Variants in ASXL3 observed in about 807,000 individuals in gnomAD.
ASXL3 encodes ASXL transcriptional regulator 3.
In ASXL3, 34 loss-of-function variants were observed where a neutral mutation model predicts 170.6. The ratio of observed to expected loss-of-function variants is 0.20; its 90% CI spans 0.15 to 0.27. The LOEUF is 0.27. ASXL3 is among the 10% of genes least tolerant of loss of function. The pLI is 1.00. For missense variants in ASXL3, 2,592 were observed against 2,695.3 expected (o/e 0.96, Z 0.85); for synonymous variants, 1,002 against 989.1 (o/e 1.01, Z -0.24).
Position 33,743,725 on chromosome 18 carries a change from A to C in ASXL3, c.3877A>C (p.Ile1293Leu). 1.9e-6 allele frequency: 3 copies of C among 1,613,930 alleles called. No individual in the cohort carries two copies. The highest frequency in any genetic ancestry group is 2.5e-6 in the Non-Finnish European group (3 of 1,179,902). Residue 1293 changes from isoleucine (I) to leucine (L), a missense_variant, in exon 12 of 12, where the codon ATA (isoleucine) becomes CTA (leucine). Around this residue, in one of 4 missense-constraint regions of ASXL3, gnomAD observed 2,246 missense variants for 2,219.6 expected, o/e 1.01. Transcript: ENST00000269197. ...KTIQGTDTPC[I>L]AIIPKCIEST... ...CATCCAGGGAACTGACACTCCATGC[A>C]TAGCCATTATACCAAAATGTATTGA...
intron 8 of ASXL3, among the ~76,000 whole-genome samples, chr18:33,700,265 C>G (rs73955180): frequency 6.6e-6 from 1 of 151,926 alleles, no homozygotes; most frequent in Non-Finnish European, 1.5e-5. Context: ...CTTACTGTAA[C>G]GATCCCTGAA....
chr18:33,738,453 G>C (rs764631128), intron 10 of ASXL3, 34 bp from the exon 11 acceptor site: 1 of 1,549,134 alleles, frequency 6.5e-7, no homozygotes, highest in Non-Finnish European at 8.7e-7. Flanking sequence ...ATGTTTTGTG[G>C]TTGAGCAATA....
intron 1 of ASXL3, among the ~76,000 whole-genome samples, chr18:33,582,592 A>G (rs1284902246): frequency 6.6e-6 from 1 of 152,112 alleles, no homozygotes; most frequent in Non-Finnish European, 1.5e-5. Context: ...ACACCTGAAA[A>G]TAAATCTTAA....
chr18:33,641,792 A>G (rs972042403), intron 2 of ASXL3: 1 of 152,494 alleles, frequency 6.6e-6, no homozygotes, highest in Non-Finnish European at 1.5e-5. Flanking sequence ...AAATCGGGAT[A>G]TCGTGGTTTT....
chr18:33,657,471 G>A (rs1302771453), intron 4 of ASXL3, among the ~76,000 whole-genome samples: 1 of 152,020 alleles, frequency 6.6e-6, no homozygotes, highest in Non-Finnish European at 1.5e-5. Flanking sequence ...ACCTGTCAGT[G>A]GATTAGTAAT....
At chr18:33,706,760 T>A (rs182988954) in intron 8 of ASXL3, among the ~76,000 whole-genome samples, 1 of 151,940 alleles carries the variant, frequency 6.6e-6, no homozygotes, top group East Asian at 1.9e-4. Context: ...TGGTATCTTC[T>A]TATGTTGTGG....
intron 2 of ASXL3, among the ~76,000 whole-genome samples, chr18:33,622,353 G>A (rs16964808): frequency 0.082 from 12,424 of 152,096 alleles, 580 homozygotes; most frequent in African/African-American, 0.11. Flanking sequence ...GCATTTGATA[G>A]CCTGTTACAA....
intron 8 of ASXL3, among the ~76,000 whole-genome samples, chr18:33,708,744 G>A (rs1329901477): frequency 3.3e-5 from 5 of 152,130 alleles, no homozygotes; most frequent in African/African-American, 9.7e-5. Context: ...AATTCCCCAA[G>A]GCTAAGAGAT....
At chr18:33,708,259 T>G (rs2066997142) in intron 8 of ASXL3, among the ~76,000 whole-genome samples, 1 of 152,198 alleles carries the variant, frequency 6.6e-6, no homozygotes, top group Non-Finnish European at 1.5e-5. Context: ...GGGAAAACTT[T>G]TAATTACCGA....
chr18:33,738,501 G>A lies in ASXL3; in HGVS notation c.1097G>A (p.Arg366Lys), dbSNP rs751931994. The change falls in exon 11 of 12, where the codon AGA (arginine) becomes AAA (lysine). Residue 366 changes from arginine to lysine, a missense_variant. Transcript: ENST00000269197. ...TTTCTGTACAGGCTGGGCATGTCAA[G>A]AGAGGAATCTGTGAAGCTCACTACT... ...RFYGEKLGMS[R>K]EESVKLTTGP... 2 of 1,609,340 alleles carry A rather than the reference G, an allele frequency of 1.2e-6. No homozygotes were observed. Among genetic ancestry groups the A allele is most frequent in the Non-Finnish European group, 1.7e-6 (2 of 1,177,094 alleles).
At chr18:33,741,285 TAAC>T (rs879874000) in intron 11 of ASXL3, among the ~76,000 whole-genome samples, 8 of 152,176 alleles carry the variant, frequency 5.3e-5, no homozygotes, top group Non-Finnish European at 1.0e-4. Flanking sequence ...GATAGATAGA[TAAC>T]AACATGAGGG....
At chr18:33,703,518 C>T (rs535946436) in intron 8 of ASXL3, among the ~76,000 whole-genome samples, 2 of 152,276 alleles carry the variant, frequency 1.3e-5, no homozygotes, top group Admixed American at 1.3e-4. Flanking sequence ...AGCCCTTGAC[C>T]TCTTGGTTGT....
intron 1 of ASXL3, among the ~76,000 whole-genome samples, chr18:33,588,184 C>T (rs1002074079): frequency 2.0e-5 from 3 of 152,092 alleles, no homozygotes; most frequent in Non-Finnish European, 2.9e-5. Flanking sequence ...TTTCCCTTAA[C>T]ATCTAGCAGA....
intron 2 of ASXL3, among the ~76,000 whole-genome samples, chr18:33,636,305 T>TCAA (rs367963281): frequency 0.038 from 4,155 of 110,704 alleles, 70 homozygotes; most frequent in Middle Eastern, 0.071. Flanking sequence ...AACCACTGAT[T>TCAA]CAACAACAAC....
chr18:33,649,831 T>A, intron 4 of ASXL3, among the ~76,000 whole-genome samples: 1 of 152,050 alleles, frequency 6.6e-6, no homozygotes, highest in Non-Finnish European at 1.5e-5. Flanking sequence ...GAAGTGTAAG[T>A]GATATGAGAG....
At position 33,609,047 on chromosome 18, in the gene ASXL3, C is replaced by A. The variant is rs932628941; in HGVS notation, c.137+1371C>A. ...CGCTGTGTTTGTGCTAGTTGTTCCC[C>A]CAGAAAGTGGAGGCAGCAGTGGATA... is the stretch of plus-strand genomic sequence containing the variant. On this transcript the variant is annotated intron_variant, in intron 2 of 11. Coordinates refer to ENST00000269197, the MANE Select transcript of ASXL3 (RefSeq NM_030632.3). 19 of 984,864 alleles carry A rather than the reference C, an allele frequency of 1.9e-5. No homozygotes were observed. The Admixed American group carries it at 2.5e-4, about 13-fold the overall frequency. The allele number at this position is 984,864 out of a possible 1,614,324, so 61.0% of individuals were successfully genotyped here.
intron 6 of ASXL3, 115 bp from the exon 7 acceptor site, chr18:33,671,632 A>G (rs2066343412): frequency 1.2e-6 from 1 of 839,228 alleles, no homozygotes; most frequent in Non-Finnish European, 1.8e-6. Flanking sequence ...GGCCAAAGGT[A>G]GTGTATTAAC....
rs754846764 is a variant in ASXL3, at chr18:33,745,954, C to A, written c.6106C>A (p.Pro2036Thr). 6.6e-7 allele frequency: 1 copy of A among 1,513,150 alleles called. No individual in the cohort carries two copies. Among genetic ancestry groups the A allele is most frequent in the Non-Finnish European group, 8.9e-7 (1 of 1,123,170 alleles). The allele number at this position is 1,513,150 out of a possible 1,614,324, so 93.7% of individuals were successfully genotyped here. Residue 2036 changes from proline (P) to threonine (T), a missense_variant, in exon 12 of 12, where the codon CCC becomes ACC. Physicochemically the swap from Pro to Thr is conservative, Grantham distance 38. Coordinates refer to ENST00000269197, the MANE Select transcript of ASXL3 (RefSeq NM_030632.3). ...PPPLALPPPP[P>T]PPPPLPPPLP... ...ACCCTTGGCTTTGCCCCCGCCTCCCCCCCCACCACCTCCGCTACCTCCACC... is the reference window on the plus strand; with the variant it reads ...ACCCTTGGCTTTGCCCCCGCCTCCCACCCCACCACCTCCGCTACCTCCACC...
chr18:33,745,823 C>A lies in ASXL3; in HGVS notation c.5975C>A (p.Pro1992His), dbSNP rs2067773123. The change falls in exon 12 of 12, where the codon CCC becomes CAC. Residue 1992 changes from proline (P) to histidine (H), a missense_variant. Physicochemically the swap from Pro to His is moderately conservative, Grantham distance 77. Transcript: ENST00000269197. Reference sequence around the variant, plus strand: ...CTAAGGTTAGCCAACATGTTATCCCCCAATATGCCCATGAAAGAAGGTGAT... The same window carrying A: ...CTAAGGTTAGCCAACATGTTATCCCACAATATGCCCATGAAAGAAGGTGAT... ...HQLRLANMLSPNMPMKEGDEV... is the reference protein window; with the variant it reads ...HQLRLANMLSHNMPMKEGDEV... 3 of 1,613,834 alleles carry A rather than the reference C, an allele frequency of 1.9e-6. No individual in the cohort carries two copies. The African/African-American group carries it at 4.0e-5, about 22-fold the overall frequency.
Sources: allele counts gnomAD v4.1 joint callset (sites outside exome capture counted in the v4.1 genomes callset), GRCh38; gene constraint gnomAD v4.1.1; regional missense constraint gnomAD v4.1.1; transcripts MANE v1.5; gene names NCBI Gene and HGNC (gene_info 2026-07-23, HGNC 2026-07-21).